SIL1: variants seen among roughly 807,000 people sequenced by gnomAD.
The protein encoded by SIL1 is SIL1 nucleotide exchange factor.
In SIL1, 40 loss-of-function variants were observed where a neutral mutation model predicts 49.1. That is an observed-to-expected ratio of 0.81 (90% confidence interval 0.63 to 1.06). SIL1 has a LOEUF of 1.06. Among genes scored for constraint, SIL1 ranks in the 50% least tolerant of loss-of-function variants. The probability of loss-of-function intolerance (pLI) is 0.00; values close to 1 mark genes in which losing one functional copy is unlikely to be tolerated. For synonymous variants in SIL1, 253 were observed against 250.8 expected, an observed-to-expected ratio of 1.01 and a Z score of -0.08; for missense variants, 500 against 572.6, an observed-to-expected ratio of 0.87 and a Z score of 1.29.
intron 2 of SIL1, among the ~76,000 whole-genome samples, chr5:139,124,375 A>G (rs748512136): frequency 1.5e-4 from 23 of 152,336 alleles, no homozygotes; most frequent in Non-Finnish European, 2.2e-4. Flanking sequence ...ACTGTTCAAA[A>G]TGTTTTTTGC....
chr5:139,113,714 C>G (rs564881902), intron 3 of SIL1, among the ~76,000 whole-genome samples: 1 of 152,182 alleles, frequency 6.6e-6, no homozygotes, highest in Admixed American at 6.5e-5. Context: ...TAGTCTTAAC[C>G]GTGGAGATGC....
chr5:139,002,666 C>T (rs1415499889), intron 7 of SIL1, among the ~76,000 whole-genome samples: 1 of 152,134 alleles, frequency 6.6e-6, no homozygotes, highest in Non-Finnish European at 1.5e-5. Context: ...TCAACAATGT[C>T]CTAGGGCACA....
At chr5:139,149,991 T>C (rs918883339) in intron 1 of SIL1, among the ~76,000 whole-genome samples, 3 of 152,218 alleles carry the variant, frequency 2.0e-5, no homozygotes, top group African/African-American at 7.2e-5. Flanking sequence ...AAGCCTGCTA[T>C]AAGCCTGCAA....
At chr5:139,145,105 G>T (rs1247075012) in intron 1 of SIL1, among the ~76,000 whole-genome samples, 2 of 152,022 alleles carry the variant, frequency 1.3e-5, no homozygotes, top group Admixed American at 6.6e-5. Context: ...TCTGATAAGG[G>T]TTTAATATCC....
At chr5:139,000,895 T>TTA (rs1201967176) in intron 7 of SIL1, among the ~76,000 whole-genome samples, 4 of 151,740 alleles carry the variant, frequency 2.6e-5, no homozygotes, top group African/African-American at 9.7e-5. Context: ...ATTACCCAGA[T>TTA]TATATATATA....
chr5:138,949,815 AAG>A (rs1766724238), intron 9 of SIL1, among the ~76,000 whole-genome samples: 1 of 151,072 alleles, frequency 6.6e-6, no homozygotes, highest in Non-Finnish European at 1.5e-5. Context: ...AAAAAAAAAA[AAG>A]AAAAAAGAAA....
chr5:139,062,618 C>T (rs1044575361), intron 3 of SIL1, among the ~76,000 whole-genome samples: 2 of 152,164 alleles, frequency 1.3e-5, no homozygotes, highest in African/African-American at 4.8e-5. Flanking sequence ...GGACAAACTA[C>T]AGCTGGTGAC....
At chr5:139,105,523 A>T (rs1237437939) in intron 3 of SIL1, among the ~76,000 whole-genome samples, 2 of 152,236 alleles carry the variant, frequency 1.3e-5, no homozygotes, top group African/African-American at 4.8e-5. Context: ...AAGCATAATT[A>T]GGGGAGATTC....
intron 7 of SIL1, among the ~76,000 whole-genome samples, chr5:138,966,489 T>C (rs1224749209): frequency 6.6e-6 from 1 of 151,982 alleles, no homozygotes; most frequent in South Asian, 2.1e-4. Flanking sequence ...CTCAGGCCAT[T>C]TCCCTCGGCG....
intron 7 of SIL1, among the ~76,000 whole-genome samples, chr5:139,020,631 G>A (rs539576241): frequency 6.6e-6 from 1 of 152,116 alleles, no homozygotes; most frequent in African/African-American, 2.4e-5. Flanking sequence ...CTACTCTTTC[G>A]AGATGCTACC....
chr5:139,171,390 G>T (rs1393649828), intron 1 of SIL1, among the ~76,000 whole-genome samples: 2 of 152,164 alleles, frequency 1.3e-5, no homozygotes, highest in African/African-American at 4.8e-5. Flanking sequence ...CCTGTTGATG[G>T]GTGACCTTAC....
At chr5:139,170,751 G>T (rs1233479818) in intron 1 of SIL1, among the ~76,000 whole-genome samples, 1 of 151,542 alleles carries the variant, frequency 6.6e-6, no homozygotes, top group Non-Finnish European at 1.5e-5. Flanking sequence ...TCTCCGCCCG[G>T]CAGCCACCCC....
At chr5:139,157,408 G>A (rs922369232) in intron 1 of SIL1, among the ~76,000 whole-genome samples, 3 of 152,078 alleles carry the variant, frequency 2.0e-5, no homozygotes, top group African/African-American at 7.2e-5. Context: ...CCCTGAGAAG[G>A]ACTGCTATTC....
At chr5:139,092,173 C>T (rs1012485860) in intron 3 of SIL1, among the ~76,000 whole-genome samples, 2 of 152,188 alleles carry the variant, frequency 1.3e-5, no homozygotes, top group African/African-American at 4.8e-5. Context: ...ATCACTAAGA[C>T]TTCAGATTTA....
At chr5:139,143,344 C>CATATATAT (rs1314250793) in intron 1 of SIL1, among the ~76,000 whole-genome samples, 16 of 97,504 alleles carry the variant, frequency 1.6e-4, no homozygotes, top group African/African-American at 4.9e-4. Flanking sequence ...CACACACACA[C>CATATATAT]ATATATATAT....
rs924676596 is a variant in SIL1, at chr5:139,008,812, C to T, written c.767+12359G>A. ...AATCCTGAGTTCTAGTTTGATTGCA[C>T]TGTGGTCTGAGAGATAGTTTGTTAT... On this transcript the variant is annotated intron_variant, in intron 7 of 9. Transcript: ENST00000394817. 6.6e-3 allele frequency among the ~76,000 whole-genome samples: 999 copies of T among 152,188 alleles called. 9 individuals are homozygous for T. The highest frequency in any genetic ancestry group is 0.011 in the Non-Finnish European group (726 of 68,024).
rs183246249 is a variant in SIL1, at chr5:139,192,368, T to A, written c.-11+5901A>T. Among the ~76,000 whole-genome samples the A allele has an allele frequency of 2.0e-5, 3 of 152,330 alleles. 1 individual carries two copies. The highest frequency in any genetic ancestry group is 2.0e-4 in the Admixed American group (3 of 15,298). ...ACTTGCAGAGATGGAAGTAGCCAGA[T>A]GTGGAGATGAGTTCACTGACCACTT... is the stretch of plus-strand genomic sequence containing the variant. On this transcript the variant is annotated intron_variant, in intron 1 of 9. Transcript: ENST00000394817.
At chr5:139,069,728 T>C (rs1451442331) in intron 3 of SIL1, among the ~76,000 whole-genome samples, 1 of 152,170 alleles carries the variant, frequency 6.6e-6, no homozygotes, top group Non-Finnish European at 1.5e-5. Context: ...AATAATTGGA[T>C]TTTAAAGGCA....
chr5:139,162,409 T>C (rs1371079470), intron 1 of SIL1, among the ~76,000 whole-genome samples: 12 of 152,194 alleles, frequency 7.9e-5, no homozygotes, highest in African/African-American at 2.2e-4. Context: ...TGCTTCCTTA[T>C]GACAGAAATC....
Sources: allele counts gnomAD v4.1 joint callset (sites outside exome capture counted in the v4.1 genomes callset), GRCh38; gene constraint gnomAD v4.1.1; transcripts MANE v1.5; gene names NCBI Gene and HGNC (gene_info 2026-07-23, HGNC 2026-07-21).